AQR: variants seen among roughly 807,000 people sequenced by gnomAD.
The protein encoded by AQR is aquarius intron-binding spliceosomal factor, also known as RNA helicase aquarius.
AQR carries 61 observed loss-of-function variants against 180.5 expected under a neutral mutation model. The observed-to-expected ratio is 0.34, with a 90% CI of 0.28 to 0.42. AQR has a LOEUF of 0.42. Ranked by LOEUF, AQR falls within the 10% of genes least tolerant of loss-of-function variation. AQR has a pLI of 1.00. For synonymous variants in AQR, 551 were observed against 588.8 expected, an observed-to-expected ratio of 0.94 and a Z score of 0.93; for missense variants, 1,281 against 1,798.3, an observed-to-expected ratio of 0.71 and a Z score of 5.20.
chr15:34,964,120 G>A (rs1016638202), intron 2 of AQR, 114 bp downstream of exon 2: 51 of 744,640 alleles, frequency 6.8e-5, no homozygotes, highest in Non-Finnish European at 1.1e-4. Context: ...TGTATTTTTT[G>A]TAGATCGTTA....
At chr15:34,946,307 T>A (rs142741809) in intron 5 of AQR, among the ~76,000 whole-genome samples, 1 of 152,188 alleles carries the variant, frequency 6.6e-6, no homozygotes, top group Non-Finnish European at 1.5e-5. Context: ...GAAATTATAA[T>A]GTAAGCATCT....
At chr15:34,952,502 ATATT>A (rs1347232555) in intron 4 of AQR, among the ~76,000 whole-genome samples, 1 of 152,220 alleles carries the variant, frequency 6.6e-6, no homozygotes, top group East Asian at 1.9e-4. Context: ...TTTGTCTGAA[ATATT>A]TATATTACTA....
At chr15:34,921,869 G>A (rs1468061990) in intron 13 of AQR, among the ~76,000 whole-genome samples, 1 of 152,106 alleles carries the variant, frequency 6.6e-6, no homozygotes, top group African/African-American at 2.4e-5. Flanking sequence ...GGAGTGCAGT[G>A]GCATGATCTC....
chr15:34,861,800 A>G (rs1892674434), intron 33 of AQR, among the ~76,000 whole-genome samples: 1 of 152,204 alleles, frequency 6.6e-6, no homozygotes, highest in African/African-American at 2.4e-5. Context: ...TTCTTCAAAA[A>G]TAAGTAAATA....
intron 4 of AQR, among the ~76,000 whole-genome samples, chr15:34,949,794 TAAA>T (rs755539183): frequency 8.8e-6 from 1 of 114,136 alleles, no homozygotes; most frequent in African/African-American, 3.2e-5. Context: ...TTATCTCTAT[TAAA>T]AAAAAAAAAA....
Position 34,952,907 on chromosome 15 carries a change from T to C in AQR, c.187A>G (p.Lys63Glu). The change falls in exon 4 of 35, where the codon AAG becomes GAG. Residue 63 changes from lysine (K) to glutamate (E), a missense_variant. Lys to Glu is a moderately conservative substitution (Grantham distance 56, BLOSUM62 1). Transcript: ENST00000156471. Reference protein sequence around the residue: ...EIVKSRFAIRKIMLLEFSQYL... With the variant: ...EIVKSRFAIREIMLLEFSQYL... ...TACCTAAATTCCAAGAGCATTATCTTTCTAATAGCAAACCTGAAAACATAA... is the reference window on the plus strand; with the variant it reads ...TACCTAAATTCCAAGAGCATTATCTCTCTAATAGCAAACCTGAAAACATAA... The C allele has an allele frequency of 6.9e-7, 1 of 1,457,296 alleles. No homozygotes were observed. 90.3% of individuals were successfully genotyped at this position (1,457,296 alleles called of 1,614,324 possible).
chr15:34,941,783 C>G (rs1382188492), intron 7 of AQR, among the ~76,000 whole-genome samples: 1 of 152,082 alleles, frequency 6.6e-6, no homozygotes, highest in Non-Finnish European at 1.5e-5. Flanking sequence ...TCTATAAGCT[C>G]AATAGATACT....
chr15:34,911,732 T>G (rs1893501847), intron 16 of AQR, among the ~76,000 whole-genome samples: 2 of 152,212 alleles, frequency 1.3e-5, no homozygotes, highest in Non-Finnish European at 2.9e-5. Flanking sequence ...TCTTCCATTC[T>G]GTAAGGCTGC....
intron 22 of AQR, among the ~76,000 whole-genome samples, chr15:34,895,188 AT>A (rs1225071301): frequency 0.03 from 341 of 11,232 alleles, 11 homozygotes; most frequent in Middle Eastern, 0.083. Flanking sequence ...AAAAAAAAAA[AT>A]ATATATATAT....
At chr15:34,960,426 ATTATTGTAAAT>A (rs914082451) in intron 3 of AQR, among the ~76,000 whole-genome samples, 5 of 152,208 alleles carry the variant, frequency 3.3e-5, no homozygotes, top group African/African-American at 1.2e-4. Flanking sequence ...TGTATACTAT[ATTATTGTAAAT>A]TTAATAATGT....
chr15:34,884,884 C>T (rs924105446), intron 25 of AQR, 150 bp from the exon 26 acceptor site: 1 of 634,998 alleles, frequency 1.6e-6, no homozygotes, highest in Non-Finnish European at 2.6e-6. Context: ...TTCTTCATTC[C>T]TGTAACTGAC....
Position 34,874,780 on chromosome 15 carries a change from C to A in AQR, c.3322G>T (p.Ala1108Ser). The A allele has an allele frequency of 6.2e-7, 1 of 1,613,834 alleles. No homozygotes were observed. Among genetic ancestry groups the A allele is most frequent in the South Asian group, 1.1e-5 (1 of 91,074 alleles). ...TCCATGTTTGAGTACTTTTGAAAGG[C>A]CATGTTCTTAATAACTGGAGGTAAC... ...HQLPPVIKNM[A>S]FQKYSNMEQS... The change falls in exon 29 of 35, where the codon GCC (alanine) becomes TCC (serine). Residue 1108 changes from alanine to serine, a missense_variant. Around this residue, in one of 9 missense-constraint regions of AQR, gnomAD observed 197 missense variants for 320.7 expected, o/e 0.61. Coordinates refer to ENST00000156471, the MANE Select transcript of AQR (RefSeq NM_014691.3).
chr15:34,928,502 C>T lies in AQR; in HGVS notation c.1015-1364G>A, dbSNP rs530127567. Among the ~76,000 whole-genome samples the T allele has an allele frequency of 1.5e-4, 23 of 152,210 alleles. No individual in the cohort carries two copies. The South Asian group carries it at 1.9e-3, about 12-fold the overall frequency. Reference sequence around the variant, plus strand: ...GAGGATGATAACTTCCAGCTTCATCCGTGTCCCCGCAAAGGACATGATCTC... The same window carrying T: ...GAGGATGATAACTTCCAGCTTCATCTGTGTCCCCGCAAAGGACATGATCTC... On this transcript the variant is annotated intron_variant, in intron 12 of 34. Coordinates refer to ENST00000156471, the MANE Select transcript of AQR (RefSeq NM_014691.3).
chr15:34,944,833 C>T (rs1418954609), intron 5 of AQR, among the ~76,000 whole-genome samples: 2 of 152,228 alleles, frequency 1.3e-5, no homozygotes. Context: ...AACAGCCCCT[C>T]CTGCTTTATA....
chr15:34,897,837 T>C, intron 20 of AQR, 132 bp from the exon 21 acceptor site: 1 of 965,872 alleles, frequency 1.0e-6, no homozygotes, highest in Non-Finnish European at 1.5e-6. Flanking sequence ...ACGATATCTG[T>C]ATGTAAACTC....
At chr15:34,882,757 C>A in intron 26 of AQR, 118 bp from the exon 27 acceptor site, 1 of 863,988 alleles carries the variant, frequency 1.2e-6, no homozygotes, top group South Asian at 3.6e-5. Flanking sequence ...ATAAACTAAG[C>A]CTAATGAATT....
chr15:34,950,702 T>C (rs1894215632), intron 4 of AQR, among the ~76,000 whole-genome samples: 1 of 152,108 alleles, frequency 6.6e-6, no homozygotes, highest in Non-Finnish European at 1.5e-5. Flanking sequence ...AGGGGGGAAA[T>C]ATTTGTTCTC....
chr15:34,941,056 G>C (rs1894015012), intron 7 of AQR, 57 bp from the exon 8 acceptor site: 1 of 1,215,670 alleles, frequency 8.2e-7, no homozygotes, highest in Admixed American at 2.4e-5. Context: ...CAAGGATAAG[G>C]ATTAGATCAA....
chr15:34,894,276 A>G (rs1475343648), intron 22 of AQR, among the ~76,000 whole-genome samples: 1 of 152,206 alleles, frequency 6.6e-6, no homozygotes, highest in Non-Finnish European at 1.5e-5. Flanking sequence ...GATGCATTAC[A>G]TATTACAAAA....
Sources: allele counts gnomAD v4.1 joint callset (sites outside exome capture counted in the v4.1 genomes callset), GRCh38; gene constraint gnomAD v4.1.1; regional missense constraint gnomAD v4.1.1; transcripts MANE v1.5; gene names NCBI Gene and HGNC (gene_info 2026-07-23, HGNC 2026-07-21).